The following PPARGC1A variants were observed in gnomAD, a reference collection of about 807,000 sequenced individuals.
The protein encoded by PPARGC1A is PPARG coactivator 1 alpha.
In PPARGC1A, 25 loss-of-function variants were observed where a neutral mutation model predicts 88.7. That is an observed-to-expected ratio of 0.28 (90% CI 0.21 to 0.39). PPARGC1A has a LOEUF of 0.39. Ranked by LOEUF, PPARGC1A falls within the 10% of genes least tolerant of loss-of-function variation. The pLI, the probability that PPARGC1A is intolerant of heterozygous loss-of-function variation, is 1.00. For missense variants in PPARGC1A, 880 were observed against 968.7 expected (o/e 0.91, Z 1.22); for synonymous variants, 363 against 355.6 (o/e 1.02, Z -0.24).
At chr4:23,915,952 T>G in the PPARGC1A span, among the ~76,000 whole-genome samples, 1 of 152,224 alleles carries the variant, frequency 6.6e-6, no homozygotes, top group Non-Finnish European at 1.5e-5. Context: ...GTGAAGCATC[T>G]GGGCTCTGGA....
At chr4:24,265,493 G>C in the PPARGC1A span, among the ~76,000 whole-genome samples, 3 of 152,104 alleles carry the variant, frequency 2.0e-5, no homozygotes, top group Admixed American at 6.6e-5. Context: ...ACAGGGGAAG[G>C]CTTCTGCTTA....
the PPARGC1A span, among the ~76,000 whole-genome samples, chr4:24,009,590 T>C: frequency 2.6e-5 from 4 of 152,208 alleles, no homozygotes; most frequent in African/African-American, 9.6e-5. Context: ...CAAACAATTA[T>C]CTGTAAACTT....
chr4:24,128,745 T>C, the PPARGC1A span, among the ~76,000 whole-genome samples: 12 of 152,210 alleles, frequency 7.9e-5, no homozygotes, highest in Non-Finnish European at 1.8e-4. Context: ...TCTCTCCCCA[T>C]CTTCTCTTAA....
chr4:24,276,272 G>A, the PPARGC1A span, among the ~76,000 whole-genome samples: 1 of 152,164 alleles, frequency 6.6e-6, no homozygotes, highest in Admixed American at 6.6e-5. Context: ...GGAGCTCAAA[G>A]TCACATTGTC....
chr4:24,177,263 C>T, the PPARGC1A span, among the ~76,000 whole-genome samples: 5 of 152,210 alleles, frequency 3.3e-5, no homozygotes, highest in East Asian at 1.9e-4. Context: ...GTGGCACATA[C>T]ACACCATGGA....
the PPARGC1A span, among the ~76,000 whole-genome samples, chr4:24,002,667 CAAACAA>C: frequency 2.7e-5 from 4 of 148,870 alleles, no homozygotes; most frequent in Admixed American, 2.0e-4. Flanking sequence ...CACAAAAACA[CAAACAA>C]AAAGAACTAG....
the PPARGC1A span, among the ~76,000 whole-genome samples, chr4:23,951,133 C>T: frequency 6.6e-6 from 1 of 152,040 alleles, no homozygotes. Context: ...TTTGAAAGAC[C>T]CCCCAGTCCA....
the PPARGC1A span, among the ~76,000 whole-genome samples, chr4:24,269,051 A>G: frequency 6.6e-6 from 1 of 152,184 alleles, no homozygotes; most frequent in Non-Finnish European, 1.5e-5. Flanking sequence ...AAGATATGTA[A>G]CTACTCTCTC....
chr4:23,986,127 A>T, the PPARGC1A span, among the ~76,000 whole-genome samples: 2 of 151,824 alleles, frequency 1.3e-5, no homozygotes, highest in Non-Finnish European at 2.9e-5. Flanking sequence ...TGTATTAAAG[A>T]CTCCCTCAGT....
the PPARGC1A span, among the ~76,000 whole-genome samples, chr4:23,911,430 A>G: frequency 6.6e-6 from 1 of 152,170 alleles, no homozygotes; most frequent in African/African-American, 2.4e-5. Context: ...ATGCATCCCC[A>G]TGGTTTATGG....
chr4:24,127,817 G>A, the PPARGC1A span, among the ~76,000 whole-genome samples: 4 of 151,980 alleles, frequency 2.6e-5, no homozygotes, highest in Non-Finnish European at 5.9e-5. Context: ...TACATCAGCA[G>A]TTCAATAAAG....
At chr4:23,865,390 T>C (rs2148732264) in intron 2 of PPARGC1A, among the ~76,000 whole-genome samples, 1 of 152,248 alleles carries the variant, frequency 6.6e-6, no homozygotes, top group Non-Finnish European at 1.5e-5. Context: ...CCTAAGTTCC[T>C]CATCTGTGGG....
At chr4:23,848,817 C>T (rs1463989313) in intron 2 of PPARGC1A, among the ~76,000 whole-genome samples, 1 of 151,966 alleles carries the variant, frequency 6.6e-6, no homozygotes. Context: ...CATATACAGG[C>T]CTGTGTCCTT....
chr4:24,324,386 A>G, the PPARGC1A span, among the ~76,000 whole-genome samples: 4 of 150,620 alleles, frequency 2.7e-5, no homozygotes, highest in Non-Finnish European at 5.9e-5. Flanking sequence ...CCTTATTTCC[A>G]TGCCCCAACC....
At chr4:23,979,722 T>C in the PPARGC1A span, among the ~76,000 whole-genome samples, 2 of 152,196 alleles carry the variant, frequency 1.3e-5, no homozygotes, top group African/African-American at 4.8e-5. Flanking sequence ...CCATGGATCC[T>C]GGCTGTGCAG....
upstream of PPARGC1A, among the ~76,000 whole-genome samples, chr4:23,904,902 C>T (rs1278783701): frequency 3.3e-5 from 5 of 152,182 alleles, no homozygotes; most frequent in East Asian, 3.9e-4. Flanking sequence ...CTCTGACAGC[C>T]GCTGGCTCTT....
chr4:23,884,974 AC>A, intron 1 of PPARGC1A, 43 bp from the exon 2 acceptor site: 1 of 1,473,288 alleles, frequency 6.8e-7, no homozygotes. Context: ...GCTTCCATTA[AC>A]CACAGGAATT....
At chr4:24,204,369 G>C in the PPARGC1A span, among the ~76,000 whole-genome samples, 1 of 152,174 alleles carries the variant, frequency 6.6e-6, no homozygotes, top group East Asian at 1.9e-4. Flanking sequence ...CTTTGTATTC[G>C]TCACCATTGT....
the PPARGC1A span, among the ~76,000 whole-genome samples, chr4:24,343,308 G>A: frequency 6.6e-6 from 1 of 152,158 alleles, no homozygotes; most frequent in African/African-American, 2.4e-5. Context: ...GTATTAAAAG[G>A]TGGTGCCTTT....
Sources: gnomAD v4.1 joint callset for allele counts (sites outside exome capture counted in the v4.1 genomes callset) on GRCh38, gnomAD v4.1.1 for gene constraint, MANE v1.5 for transcripts, NCBI Gene and HGNC (gene_info 2026-07-23, HGNC 2026-07-21) for gene names.